The following BEAN1 variants were observed in gnomAD, a reference collection of about 807,000 sequenced individuals.
BEAN1 encodes the protein brain expressed associated with NEDD4 1, also known as protein BEAN1.
In BEAN1, 17 loss-of-function variants were observed where a neutral mutation model predicts 17.7. The ratio of observed to expected loss-of-function variants is 0.96; its 90% CI spans 0.66 to 1.44. BEAN1 has a LOEUF of 1.44. Among genes scored for constraint, BEAN1 ranks in the 40% most tolerant of loss-of-function variants. BEAN1 has a pLI of 0.00. For missense variants in BEAN1, 359 were observed against 374.1 expected, an observed-to-expected ratio of 0.96 and a Z score of 0.33; for synonymous variants, 142 against 151.8, an observed-to-expected ratio of 0.94 and a Z score of 0.47.
chr16:66,468,161 A>C (rs998850189), intron 2 of BEAN1, among the ~76,000 whole-genome samples: 1 of 152,166 alleles, frequency 6.6e-6, no homozygotes, highest in Non-Finnish European at 1.5e-5. Context: ...GAGGCATCGC[A>C]AGGCCTCCCT....
rs560076963 is a variant in BEAN1, at chr16:66,431,117, T to A, written c.-83+3686T>A. ...TTCAATGACAAGTAAATTAAAAAAATTTTTTTCAATAACAAATGACATGTT... is the reference window on the plus strand; with the variant it reads ...TTCAATGACAAGTAAATTAAAAAAAATTTTTTCAATAACAAATGACATGTT... On this transcript the variant is annotated intron_variant, in intron 1 of 4. Transcript: ENST00000536005. Among the ~76,000 whole-genome samples, 13 of 152,262 alleles carry A rather than the reference T, an allele frequency of 8.5e-5. No individual in the cohort carries two copies. The East Asian group carries it at 1.2e-3, about 14-fold the overall frequency.
At chr16:66,436,505 C>T (rs1962028876) in intron 1 of BEAN1, among the ~76,000 whole-genome samples, 1 of 150,918 alleles carries the variant, frequency 6.6e-6, no homozygotes, top group Admixed American at 6.6e-5. Context: ...GTCTCGATCT[C>T]CTGACCTTAT....
chr16:66,446,526 G>A (rs7203133), intron 2 of BEAN1, among the ~76,000 whole-genome samples: 60,440 of 151,772 alleles, frequency 0.4, 12,977 homozygotes, highest in African/African-American at 0.55. Context: ...AGTTGGGTAC[G>A]TGAATGTGGG....
chr16:66,480,258 G>A (rs1007733890), intron 4 of BEAN1, among the ~76,000 whole-genome samples: 2 of 152,188 alleles, frequency 1.3e-5, no homozygotes, highest in African/African-American at 2.4e-5. Flanking sequence ...CCCAGCCTCT[G>A]CACACCCAGT....
intron 3 of BEAN1, among the ~76,000 whole-genome samples, chr16:66,474,168 A>G (rs1277971453): frequency 6.6e-6 from 1 of 152,198 alleles, no homozygotes; most frequent in East Asian, 1.9e-4. Context: ...CGAGTCATCT[A>G]TAAAACTGGT....
chr16:66,484,371 C>T, downstream of BEAN1: 1 of 351,644 alleles, frequency 2.8e-6, no homozygotes, highest in Non-Finnish European at 5.6e-6. The surrounding 1 kb of genome is among the most constrained non-coding windows in gnomAD (Gnocchi z 4.2). Flanking sequence ...TAGGATCCCA[C>T]AGGCCTTTGG....
rs1293713018 is a variant in BEAN1 at position 66,480,802 on chromosome 16, G to A, written c.657G>A (p.Val219=). The change falls in exon 5 of 5, where the codon GTG becomes GTA. Residue 219 remains valine (V), a synonymous_variant. Transcript: ENST00000536005. The part of the protein sequence containing the change: ...SMDTLPPYEA[V]CGAGPPSGLL... Reference sequence around the variant, plus strand: ...ACACCCTTCCCCCCTACGAGGCTGTGTGCGGGGCTGGCCCCCCATCAGGCC... The same window carrying A: ...ACACCCTTCCCCCCTACGAGGCTGTATGCGGGGCTGGCCCCCCATCAGGCC... The A allele has an allele frequency of 1.9e-6, 3 of 1,546,516 alleles. No individual in the cohort carries two copies. The highest frequency in any genetic ancestry group is 2.7e-5 in the African/African-American group (2 of 72,990).
At chr16:66,429,251 G>A (rs185795204) in intron 1 of BEAN1, among the ~76,000 whole-genome samples, 6 of 152,186 alleles carry the variant, frequency 3.9e-5, no homozygotes, top group Non-Finnish European at 7.3e-5. Flanking sequence ...TGATGTATTC[G>A]TCCAGGCAAC....
At position 66,469,607 on chromosome 16, in the gene BEAN1, C is replaced by T. The variant is rs1271024235; in HGVS notation, c.31C>T (p.Arg11Ter). The change falls in exon 3 of 5, where the codon CGA becomes TGA. Residue 11 changes from arginine to a stop codon, truncating the protein, a stop_gained. Coordinates refer to ENST00000536005, the MANE Select transcript of BEAN1 (RefSeq NM_001178020.3). LOFTEE classifies it high-confidence loss of function. The stretch of plus-strand genomic sequence containing the variant: ...TCCTCTCTCTCTGTCCACAGTAGCA[C>T]GATACAACCGCACCAGCTACTTCTA... MSFKRPCPLARYNRTSYFYPT... is the reference protein window; with the variant it reads MSFKRPCPLA 64 of 1,535,550 alleles carry T rather than the reference C, an allele frequency of 4.2e-5. No homozygotes were observed. The highest frequency in any genetic ancestry group is 6.8e-5 in the African/African-American group (5 of 73,026).
At chr16:66,487,416 G>C (rs938731666), downstream of BEAN1, among the ~76,000 whole-genome samples, 7 of 152,162 alleles carry the variant, frequency 4.6e-5, no homozygotes, top group Non-Finnish European at 8.8e-5. Context: ...CTGTCCAGGT[G>C]GTGGGCCCAG....
At position 66,434,525 on chromosome 16, in the gene BEAN1, C is replaced by A. The variant is rs1198203202; in HGVS notation, c.-82-3070C>A. On this transcript the variant is annotated intron_variant, in intron 1 of 4. Transcript: ENST00000536005. This position sits in a 1 kb window ranked among gnomAD's most constrained non-coding sequence, Gnocchi z 4.3. ...GAAAGTCCAGCTCCTATTTTAGGAC[C>A]CCCCAAAGTCCCTCCATGTGTTTTC... is the stretch of plus-strand genomic sequence containing the variant. 3.9e-5 allele frequency among the ~76,000 whole-genome samples: 6 copies of A among 152,214 alleles called. No homozygotes were observed. The highest frequency in any genetic ancestry group is 2.1e-4 in the South Asian group (1 of 4,806).
intron 4 of BEAN1, among the ~76,000 whole-genome samples, chr16:66,488,896 G>T (rs1964126359): frequency 6.6e-6 from 1 of 152,040 alleles, no homozygotes; most frequent in Non-Finnish European, 1.5e-5. Context: ...AATAGGCCAG[G>T]CAAGGTGGCT....
At chr16:66,441,891 C>T (rs1226377362) in intron 2 of BEAN1, among the ~76,000 whole-genome samples, 6 of 152,164 alleles carry the variant, frequency 3.9e-5, no homozygotes, top group Non-Finnish European at 7.3e-5. Context: ...AACTTCCCCA[C>T]CCCTCAACAC....
chr16:66,452,942 G>A (rs952258896), intron 2 of BEAN1, among the ~76,000 whole-genome samples: 2 of 152,028 alleles, frequency 1.3e-5, no homozygotes, highest in Non-Finnish European at 2.9e-5. Flanking sequence ...TTGTCTTTGC[G>A]ATCTTGGGCA....
rs1963957244 is a variant in BEAN1 at position 66,480,780 on chromosome 16, CCCTT to C, written c.638_641del (p.Leu213ProfsTer65). 1 of 1,550,608 alleles carries C rather than the reference CCCTT, an allele frequency of 6.4e-7. No homozygotes were observed. The highest frequency in any genetic ancestry group is 8.7e-7 in the Non-Finnish European group (1 of 1,146,612). Reference sequence around the variant, plus strand: ...GGCCTTCACACGGTCTCCATGGACACCCTTCCCCCCTACGAGGCTGTGTGCGGGG... The same window carrying C: ...GGCCTTCACACGGTCTCCATGGACACCCCCCCTACGAGGCTGTGTGCGGGG... On this transcript the variant is annotated frameshift_variant, in exon 5 of 5. Transcript: ENST00000536005. LOFTEE classifies it low-confidence loss of function (END_TRUNC).
downstream of BEAN1, among the ~76,000 whole-genome samples, chr16:66,494,760 G>A (rs561773043): frequency 5.9e-5 from 9 of 152,202 alleles, no homozygotes; most frequent in East Asian, 1.9e-4. Flanking sequence ...ATCCAGGAGC[G>A]GGGGCACCCC....
rs1352188955 is a variant in BEAN1 at position 66,473,079 on chromosome 16, A to G, written c.289+3214A>G. 1.3e-5 allele frequency among the ~76,000 whole-genome samples: 2 copies of G among 152,142 alleles called. No individual in the cohort carries two copies. The highest frequency in any genetic ancestry group is 1.9e-4 in the East Asian group (1 of 5,172). On this transcript the variant is annotated intron_variant, in intron 3 of 4. Coordinates refer to ENST00000536005, the MANE Select transcript of BEAN1 (RefSeq NM_001178020.3). This position sits in a 1 kb window ranked among gnomAD's most constrained non-coding sequence, Gnocchi z 4.5. ...GAGGCACAAAGAAGCAACTTGTTCA[A>G]TGACTTATCTTGGAGTGCACGCTAG... is the stretch of plus-strand genomic sequence containing the variant.
At chr16:66,486,474 T>C (rs560720453), downstream of BEAN1, among the ~76,000 whole-genome samples, 10 of 152,222 alleles carry the variant, frequency 6.6e-5, no homozygotes, top group East Asian at 1.4e-3. Flanking sequence ...AGGCTGGTCT[T>C]GAACTCCTGA....
At chr16:66,435,932 C>T (rs1309461241) in intron 1 of BEAN1, among the ~76,000 whole-genome samples, 1 of 152,130 alleles carries the variant, frequency 6.6e-6, no homozygotes, top group African/African-American at 2.4e-5. Context: ...TCCTCATATT[C>T]TTCTTAGCCC....
Sources: allele counts gnomAD v4.1 joint callset (sites outside exome capture counted in the v4.1 genomes callset), GRCh38; gene constraint gnomAD v4.1.1; non-coding constraint Gnocchi (gnomAD v3.1); transcripts MANE v1.5; gene names NCBI Gene and HGNC (gene_info 2026-07-23, HGNC 2026-07-21).